Variants in ZNF479 observed in about 807,000 individuals in gnomAD.
The protein encoded by ZNF479 is zinc finger protein 479, also known as KRAB zinc finger protein KR19.
A neutral mutation model predicts 14.7 loss-of-function variants in ZNF479; 15 were observed. The observed-to-expected ratio is 1.02, with a 90% CI of 0.68 to 1.57. The LOEUF is 1.57. Ranked by LOEUF, ZNF479 falls within the 40% of genes most tolerant of loss-of-function variation. ZNF479 has a pLI of 0.00. For synonymous variants in ZNF479, 145 were observed against 211.5 expected, an observed-to-expected ratio of 0.69 and a Z score of 2.73; for missense variants, 506 against 615.1, an observed-to-expected ratio of 0.82 and a Z score of 1.88.
intron 1 of ZNF479, among the ~76,000 whole-genome samples, chr7:57,137,918 T>G (rs1699850685): frequency 6.6e-6 from 1 of 152,180 alleles, no homozygotes; most frequent in African/African-American, 2.4e-5. Context: ...TTTTTTTGCC[T>G]TGAATCTGTT....
chr7:57,134,831 T>G (rs1013573646), upstream of ZNF479, among the ~76,000 whole-genome samples: 22 of 152,112 alleles, frequency 1.4e-4, no homozygotes, highest in Admixed American at 6.5e-4. Flanking sequence ...TGCGCCACCA[T>G]GCCCGGCTAA....
At chr7:57,137,202 T>G (rs1455624730), upstream of ZNF479, among the ~76,000 whole-genome samples, 3 of 152,180 alleles carry the variant, frequency 2.0e-5, no homozygotes, top group Non-Finnish European at 4.4e-5. Context: ...AGCGGCACAA[T>G]CTTTGCTCAC....
rs190117770 is a variant in ZNF479 at position 57,117,825 on chromosome 7, A to G, written c.*2015T>C. On this transcript the variant is annotated 3_prime_UTR_variant, in exon 4 of 4. Coordinates refer to ENST00000319636, the MANE Select transcript of ZNF479 (RefSeq NM_001370129.2). ...TGACGGAATCTGAGACTTGAGTTAC[A>G]TTATTATTTGCTGTTCAGAAACTAT... 1.3e-5 allele frequency among the ~76,000 whole-genome samples: 2 copies of G among 152,384 alleles called. No homozygotes were observed. Among genetic ancestry groups the G allele is most frequent in the South Asian group, 2.1e-4 (1 of 4,834 alleles).
chr7:57,124,203 T>G (rs866968733), intron 3 of ZNF479, among the ~76,000 whole-genome samples: 19 of 152,134 alleles, frequency 1.2e-4, no homozygotes, highest in African/African-American at 2.2e-4. Context: ...GGCACTATAC[T>G]TCATAATTTC....
At chr7:57,131,597 A>G (rs58031035) in intron 1 of ZNF479, among the ~76,000 whole-genome samples, 17,983 of 113,360 alleles carry the variant, frequency 0.16, 3,175 homozygotes, top group East Asian at 0.32. Flanking sequence ...CAAAAAAAAA[A>G]CATTTCTTGT....
chr7:57,133,612 A>G (rs28851865), upstream of ZNF479, among the ~76,000 whole-genome samples: 7,866 of 152,320 alleles, frequency 0.052, 707 homozygotes, highest in African/African-American at 0.18. Context: ...CACGCCTGTA[A>G]TCCCAGCACT....
In ZNF479 at chr7:57,120,376, G is replaced by T; in HGVS notation, c.1039C>A (p.His347Asn). The T allele has an allele frequency of 1.2e-6, 2 of 1,613,472 alleles. No homozygotes were observed. The highest frequency in any genetic ancestry group is 1.7e-6 in the Non-Finnish European group (2 of 1,179,756). The change falls in exon 4 of 4, where the codon CAT becomes AAT. Residue 347 changes from histidine (H) to asparagine (N), a missense_variant. By Grantham distance (68) the His-to-Asn change is moderately conservative. Transcript: ENST00000319636. The stretch of plus-strand genomic sequence containing the variant: ...CAGGCATAGGGTTTCTCTCTAGTAT[G>T]AATTCTCTTATGTCTAGTAAGGTTT... ...SSNLTRHKRI[H>N]TREKPYACEE...
upstream of ZNF479, among the ~76,000 whole-genome samples, chr7:57,135,037 C>T (rs949586248): frequency 5.3e-5 from 8 of 152,004 alleles, no homozygotes; most frequent in African/African-American, 1.7e-4. Flanking sequence ...TGAATTGGGG[C>T]CATTTCTGGA....
chr7:57,120,958 G>C lies in ZNF479; in HGVS notation c.457C>G (p.Gln153Glu). 1.9e-6 allele frequency: 3 copies of C among 1,613,980 alleles called. No homozygotes were observed. Among genetic ancestry groups the C allele is most frequent in the Non-Finnish European group, 1.7e-6 (2 of 1,180,000 alleles). Reference protein sequence around the residue: ...SEVNQCLSTTQNKIFQTHKYV... With the variant: ...SEVNQCLSTTENKIFQTHKYV... The stretch of plus-strand genomic sequence containing the variant: ...TTATGAGTCTGAAATATTTTGTTTT[G>C]GGTAGTTGACAAACATTGGTTAACT... Residue 153 changes from glutamine (Q) to glutamate (E), a missense_variant, in exon 4 of 4, where the codon CAA (glutamine) becomes GAA (glutamate). Gln to Glu is a conservative substitution (Grantham distance 29). Coordinates refer to ENST00000319636, the MANE Select transcript of ZNF479 (RefSeq NM_001370129.2).
upstream of ZNF479, among the ~76,000 whole-genome samples, chr7:57,137,359 T>A (rs138654182): frequency 1.8e-3 from 281 of 152,254 alleles, 1 homozygote; most frequent in African/African-American, 6.4e-3. Context: ...AGAGTGGGGT[T>A]TCACTATGTT....
At chr7:57,121,595 T>A (rs1785951810) in intron 3 of ZNF479, among the ~76,000 whole-genome samples, 1 of 152,144 alleles carries the variant, frequency 6.6e-6, no homozygotes, top group Non-Finnish European at 1.5e-5. Flanking sequence ...TATGAAGAAG[T>A]CTTTTAATTG....
chr7:57,131,359 T>G (rs1786408717), intron 1 of ZNF479, among the ~76,000 whole-genome samples: 1 of 151,916 alleles, frequency 6.6e-6, no homozygotes, highest in African/African-American at 2.4e-5. Flanking sequence ...GGCCAAAAGT[T>G]GGAGACCTAC....
Position 57,132,420 on chromosome 7 carries a change from C to A in ZNF479, c.-96G>T, listed in dbSNP as rs1043714285. 1.3e-6 allele frequency: 2 copies of A among 1,593,240 alleles called. No homozygotes were observed. Among genetic ancestry groups the A allele is most frequent in the Admixed American group, 3.4e-5 (2 of 59,228 alleles). ...TGAAGAGGAGAACTGCAGCTCTGGA[C>A]GCAGAGAAACACAAAGGACCCGCAA... On this transcript the variant is annotated 5_prime_UTR_variant, in exon 1 of 4. Coordinates refer to ENST00000319636, the MANE Select transcript of ZNF479 (RefSeq NM_001370129.2).
intron 1 of ZNF479, among the ~76,000 whole-genome samples, chr7:57,138,040 C>G (rs1197096917): frequency 2.0e-5 from 3 of 152,102 alleles, no homozygotes; most frequent in Non-Finnish European, 4.4e-5. Context: ...TCCTAGCACC[C>G]AGGAGATGTG....
At chr7:57,127,449 A>C (rs901416001) in intron 1 of ZNF479, 1 of 662,830 alleles carries the variant, frequency 1.5e-6, no homozygotes, top group Admixed American at 6.3e-5. Context: ...TAAACTAAAG[A>C]TCTTGTGAGA....
At position 57,132,414 on chromosome 7, in the gene ZNF479, T is replaced by C. The variant is rs1390235985; in HGVS notation, c.-90A>G. The C allele has an allele frequency of 7.5e-6, 12 of 1,597,832 alleles. No homozygotes were observed. The highest frequency in any genetic ancestry group is 4.5e-5 in the East Asian group (2 of 44,746). On this transcript the variant is annotated 5_prime_UTR_variant, in exon 1 of 4. Transcript: ENST00000319636. ...GAGCAGTGAAGAGGAGAACTGCAGC[T>C]CTGGACGCAGAGAAACACAAAGGAC... is the stretch of plus-strand genomic sequence containing the variant.
At position 57,118,184 on chromosome 7, in the gene ZNF479, T is replaced by A. The variant is rs1191356808; in HGVS notation, c.*1656A>T. Reference sequence around the variant, plus strand: ...TTTCTCTCCAATATAAATTCTCTAATGTTCAACAAAGTTTGAGCATCTTCT... The same window carrying A: ...TTTCTCTCCAATATAAATTCTCTAAAGTTCAACAAAGTTTGAGCATCTTCT... On this transcript the variant is annotated 3_prime_UTR_variant, in exon 4 of 4. Coordinates refer to ENST00000319636, the MANE Select transcript of ZNF479 (RefSeq NM_001370129.2). Among the ~76,000 whole-genome samples the A allele has an allele frequency of 2.6e-5, 4 of 152,288 alleles. No individual in the cohort carries two copies. The highest frequency in any genetic ancestry group is 9.6e-5 in the African/African-American group (4 of 41,478).
upstream of ZNF479, among the ~76,000 whole-genome samples, chr7:57,133,596 G>A (rs1786525136): frequency 6.6e-6 from 1 of 152,168 alleles, no homozygotes; most frequent in African/African-American, 2.4e-5. Flanking sequence ...GCTGGGCGCA[G>A]TGGCTCACGC....
In ZNF479 at chr7:57,118,870, T is replaced by C. The variant is rs1229463584; in HGVS notation, c.*970A>G. On this transcript the variant is annotated 3_prime_UTR_variant, in exon 4 of 4. Transcript: ENST00000319636. ...TCAGTATAAACTATCTTACCTACCA[T>C]AACGTGTGACTACCATTTAAAGTCC... 6.6e-6 allele frequency among the ~76,000 whole-genome samples: 1 copy of C among 152,214 alleles called. No individual in the cohort carries two copies. Among genetic ancestry groups the C allele is most frequent in the African/African-American group, 2.4e-5 (1 of 41,462 alleles).
Sources: gnomAD v4.1 joint callset for allele counts (sites outside exome capture counted in the v4.1 genomes callset) on GRCh38, gnomAD v4.1.1 for gene constraint, MANE v1.5 for transcripts, NCBI Gene and HGNC (gene_info 2026-07-23, HGNC 2026-07-21) for gene names.